The following KRABD4 variants were observed in gnomAD, a reference collection of about 807,000 sequenced individuals.
The protein encoded by KRABD4 is KRAB domain-containing protein 4.
chrX:46,452,938 CT>C, the KRABD4 span, among the ~76,000 whole-genome samples: 5 of 111,724 alleles, frequency 4.5e-5, no homozygotes, highest in Admixed American at 4.7e-4. Flanking sequence ...ATTTGAGTGT[CT>C]TTTTTCATTT....
the KRABD4 span, chrX:46,472,774 TA>T: frequency 5.0e-6 from 6 of 1,210,929 alleles, no homozygotes; most frequent in Non-Finnish European, 6.7e-6. Context: ...GATGAGCAGA[TA>T]GATCACTACA....
At chrX:46,472,591 G>A in the KRABD4 span, 3 of 513,835 alleles carry the variant, frequency 5.8e-6, no homozygotes, top group Non-Finnish European at 9.5e-6. Context: ...CTTGCACTCA[G>A]GGGAGGTGGT....
the KRABD4 span, chrX:46,472,929 A>T: frequency 8.3e-7 from 1 of 1,211,547 alleles, no homozygotes; most frequent in South Asian, 1.8e-5. Flanking sequence ...AAGACTCCCT[A>T]AATATTATTC....
At chrX:46,468,205 C>A in the KRABD4 span, among the ~76,000 whole-genome samples, 463 of 111,240 alleles carry the variant, frequency 4.2e-3, 1 homozygote, top group African/African-American at 0.014. Context: ...TTCTTTTTCT[C>A]AGATCAACAA....
the KRABD4 span, among the ~76,000 whole-genome samples, chrX:46,467,088 G>A: frequency 8.9e-6 from 1 of 112,026 alleles, no homozygotes; most frequent in Non-Finnish European, 1.9e-5. Flanking sequence ...TTTATCTGTC[G>A]ATGGACCAGT....
chrX:46,466,261 CTACT>C, the KRABD4 span, among the ~76,000 whole-genome samples: 3 of 111,550 alleles, frequency 2.7e-5, no homozygotes, highest in East Asian at 5.6e-4. Context: ...TTGCTTTTTC[CTACT>C]TACTTTCAGT....
At chrX:46,462,769 G>A in the KRABD4 span, 10 of 1,209,748 alleles carry the variant, frequency 8.3e-6, no homozygotes, top group Admixed American at 6.6e-5. Context: ...CTTCAAGGAC[G>A]TGTTTGTGGA....
the KRABD4 span, chrX:46,456,774 A>G: frequency 3.0e-6 from 1 of 329,237 alleles, no homozygotes; most frequent in Non-Finnish European, 5.3e-6. Context: ...TCCTGCTTAC[A>G]GGATACTGGA....
At chrX:46,463,668 A>G in the KRABD4 span, among the ~76,000 whole-genome samples, 2 of 111,133 alleles carry the variant, frequency 1.8e-5, no homozygotes, top group African/African-American at 6.6e-5. Flanking sequence ...ACCATAGTAG[A>G]TGTATTAATA....
chrX:46,463,639 C>G, the KRABD4 span, among the ~76,000 whole-genome samples: 1 of 111,687 alleles, frequency 9.0e-6, no homozygotes, highest in East Asian at 2.8e-4. Context: ...CTCCCACCTT[C>G]TTGGCCTTTT....
At chrX:46,473,613 C>A in the KRABD4 span, 1 of 412,453 alleles carries the variant, frequency 2.4e-6, no homozygotes, top group Non-Finnish European at 4.1e-6. Context: ...TGAAATTTTG[C>A]ACTGTCCTGC....
chrX:46,461,593 G>T, the KRABD4 span, among the ~76,000 whole-genome samples: 55 of 111,701 alleles, frequency 4.9e-4, no homozygotes, highest in African/African-American at 5.9e-4. Context: ...GTGTGGGCGT[G>T]ACAGGATGGG....
the KRABD4 span, among the ~76,000 whole-genome samples, chrX:46,460,882 G>T: frequency 9.6e-6 from 1 of 104,129 alleles, no homozygotes; most frequent in African/African-American, 3.6e-5. Context: ...CCTCCCAGGA[G>T]TTTTGAGGAT....
chrX:46,461,064 G>T, the KRABD4 span, among the ~76,000 whole-genome samples: 1 of 103,579 alleles, frequency 9.7e-6, no homozygotes, highest in Non-Finnish European at 2.0e-5. Context: ...CAGGAGACAG[G>T]ACAAAAACCA....
At chrX:46,472,443 C>A in the KRABD4 span, 1 of 249,166 alleles carries the variant, frequency 4.0e-6, no homozygotes, top group Non-Finnish European at 7.1e-6. Context: ...ACTGCAAAGC[C>A]ACACAGCTTC....
the KRABD4 span, among the ~76,000 whole-genome samples, chrX:46,469,811 G>A: frequency 2.7e-5 from 3 of 111,321 alleles, no homozygotes; most frequent in Admixed American, 9.6e-5. Flanking sequence ...CTTACCATTA[G>A]GCATAATTTT....
At chrX:46,462,241 A>G in the KRABD4 span, among the ~76,000 whole-genome samples, 1 of 111,996 alleles carries the variant, frequency 8.9e-6, no homozygotes, top group Non-Finnish European at 1.9e-5. Context: ...GCCGGGCGCG[A>G]TGGCTCACGC....
At chrX:46,467,195 A>T in the KRABD4 span, among the ~76,000 whole-genome samples, 5 of 111,862 alleles carry the variant, frequency 4.5e-5, no homozygotes, top group Admixed American at 1.9e-4. Context: ...CTGTGTTTTC[A>T]TATCTCTTGG....
chrX:46,457,806 A>C, the KRABD4 span, among the ~76,000 whole-genome samples: 169 of 109,571 alleles, frequency 1.5e-3, 6 homozygotes, highest in East Asian at 0.038. Context: ...GTGCAGTGGC[A>C]CAGTCGGCTC....
Sources: allele counts gnomAD v4.1 joint callset (sites outside exome capture counted in the v4.1 genomes callset), GRCh38; gene constraint gnomAD v4.1.1; transcripts MANE v1.5; gene names NCBI Gene and HGNC (gene_info 2026-07-23, HGNC 2026-07-21).